USP34: variants seen among roughly 807,000 people sequenced by gnomAD.
The protein encoded by USP34 is ubiquitin specific peptidase 34, also known as ubiquitin carboxyl-terminal hydrolase 34.
Under a neutral mutation model 460.3 loss-of-function variants are expected in USP34, and 70 were observed. That is an observed-to-expected ratio of 0.15 (90% CI 0.13 to 0.19). USP34 has a LOEUF of 0.19. Among genes scored for constraint, USP34 ranks in the 10% least tolerant of loss-of-function variants. The probability of loss-of-function intolerance (pLI) is 1.00; values close to 1 mark genes in which losing one functional copy is unlikely to be tolerated. For missense variants in USP34, 3,985 were observed against 4,236.2 expected (o/e 0.94, Z 1.65); for synonymous variants, 1,647 against 1,405.3 (o/e 1.17, Z -3.85).
rs145877617 is a variant in USP34 at position 61,437,558 on chromosome 2, G to C, written c.44-16725C>G. 3.5e-3 allele frequency among the ~76,000 whole-genome samples: 529 copies of C among 152,104 alleles called. 23 individuals are homozygous for C. The East Asian group carries it at 0.09, about 26-fold the overall frequency. ...GCAGGCTGAGGTAGGCAGATCACGA[G>C]GTCAGGAGTTCAAGACCAGCCTGGC... On this transcript the variant is annotated intron_variant, in intron 1 of 79. Coordinates refer to ENST00000398571, the MANE Select transcript of USP34 (RefSeq NM_014709.4).
At chr2:61,194,665 A>C (rs952762756) in intron 75 of USP34, among the ~76,000 whole-genome samples, 1 of 152,182 alleles carries the variant, frequency 6.6e-6, no homozygotes, top group African/African-American at 2.4e-5. Flanking sequence ...TCTTAAAAAA[A>C]TATTTTGGGG....
In USP34 at chr2:61,411,417, T is replaced by A. The variant is rs566605653; in HGVS notation, c.132-5289A>T. On this transcript the variant is annotated intron_variant, in intron 2 of 79. Coordinates refer to ENST00000398571, the MANE Select transcript of USP34 (RefSeq NM_014709.4). Reference sequence around the variant, plus strand: ...AAAGAAAAAAAAACTGAAAGCAAGATAAGTGAAATATATGACTTAAATGGT... The same window carrying A: ...AAAGAAAAAAAAACTGAAAGCAAGAAAAGTGAAATATATGACTTAAATGGT... Among the ~76,000 whole-genome samples the A allele has an allele frequency of 2.6e-5, 4 of 151,188 alleles. No homozygotes were observed. In the South Asian group the frequency reaches 6.3e-4, roughly 24 times the overall value.
intron 16 of USP34, among the ~76,000 whole-genome samples, chr2:61,340,524 G>A (rs899842111): frequency 6.6e-6 from 1 of 152,184 alleles, no homozygotes; most frequent in East Asian, 1.9e-4. Flanking sequence ...CATCAGCAGT[G>A]TATGAGAGCA....
chr2:61,252,141 G>A (rs1410534192), intron 48 of USP34, among the ~76,000 whole-genome samples: 2 of 152,154 alleles, frequency 1.3e-5, no homozygotes, highest in Non-Finnish European at 2.9e-5. Context: ...GGGCCAAGGA[G>A]GTCTTTGGTT....
intron 79 of USP34, 28 bp downstream of exon 79, chr2:61,188,882 G>A (rs761365222): frequency 1.5e-5 from 24 of 1,612,794 alleles, no homozygotes; most frequent in Admixed American, 5.0e-5. Flanking sequence ...CCACCCTAAA[G>A]GTAATGATAG....
chr2:61,241,795 C>T lies in USP34; in HGVS notation c.6652G>A (p.Asp2218Asn). Residue 2218 changes from aspartate (D) to asparagine (N), a missense_variant, in exon 52 of 80, where the codon GAT (aspartate) becomes AAT (asparagine). By Grantham distance (23) the Asp-to-Asn change is conservative. Around this residue, in one of 14 missense-constraint regions of USP34, gnomAD observed 604 missense variants for 684.8 expected, o/e 0.88. Coordinates refer to ENST00000398571, the MANE Select transcript of USP34 (RefSeq NM_014709.4). ...TCAAAAGAGAAGTCCATAAATTTATCTGTAACAGAATCATAGGTCTTGGTC... is the reference window on the plus strand; with the variant it reads ...TCAAAAGAGAAGTCCATAAATTTATTTGTAACAGAATCATAGGTCTTGGTC... ...MTTKTYDSVT[D>N]KFMDFSFEKT... 6.5e-7 allele frequency: 1 copy of T among 1,538,238 alleles called. No homozygotes were observed. The highest frequency in any genetic ancestry group is 1.2e-5 in the South Asian group (1 of 80,698).
intron 8 of USP34, among the ~76,000 whole-genome samples, chr2:61,376,032 A>G (rs902207784): frequency 6.6e-6 from 1 of 152,144 alleles, no homozygotes; most frequent in Non-Finnish European, 1.5e-5. Context: ...CAGAGACAGA[A>G]AGTAGATTAG....
At chr2:61,349,033 G>A (rs1197016286) in intron 13 of USP34, 147 bp from the exon 14 acceptor site, 5 of 1,120,474 alleles carry the variant, frequency 4.5e-6, no homozygotes, top group South Asian at 3.7e-5. Context: ...GTTAACATTT[G>A]CTCATGATTT....
chr2:61,253,221 G>A (rs1409025230), intron 48 of USP34, among the ~76,000 whole-genome samples: 1 of 152,134 alleles, frequency 6.6e-6, no homozygotes, highest in African/African-American at 2.4e-5. Context: ...AGATGTGACA[G>A]GTATTTCAGA....
intron 3 of USP34, among the ~76,000 whole-genome samples, chr2:61,397,598 T>C (rs562142686): frequency 1.3e-5 from 2 of 152,232 alleles, no homozygotes; most frequent in East Asian, 3.9e-4. Context: ...AAACCGCGTC[T>C]CTACTAAAAA....
chr2:61,295,401 G>C, intron 30 of USP34, 111 bp from the exon 31 acceptor site: 1 of 1,177,460 alleles, frequency 8.5e-7, no homozygotes, highest in Non-Finnish European at 1.1e-6. Flanking sequence ...TATATACTTT[G>C]AAACATATTA....
Position 61,420,767 on chromosome 2 carries a change from T to C in USP34, c.110A>G (p.Tyr37Cys). The C allele has an allele frequency of 6.2e-7, 1 of 1,610,586 alleles. No individual in the cohort carries two copies. Among genetic ancestry groups the C allele is most frequent in the South Asian group, 1.1e-5 (1 of 90,308 alleles). Residue 37 changes from tyrosine to cysteine, a missense_variant, in exon 2 of 80, where the codon TAT becomes TGT. Around this residue, in one of 14 missense-constraint regions of USP34, gnomAD observed 331 missense variants for 293.7 expected, o/e 1.13. Coordinates refer to ENST00000398571, the MANE Select transcript of USP34 (RefSeq NM_014709.4). ...RKEHTLKIFT[Y>C]INSWTQRQCL... is the part of the protein sequence containing the mutation. ...ATACCTCTGTGTCCAGGAATTGATA[T>C]AAGTAAATATTTTGAGAGTATGTTC...
Position 61,349,281 on chromosome 2 carries a change from T to C in USP34, c.1512A>G (p.Glu504=). ...ATGGAGCTGTTCTTCTAAGCTCTTC[T>C]TCCTCTGAAGGAAAAGGAAAAAACA... ...TNIPIGNKKE[E]EELRRTAPSP... is the part of the protein sequence containing the mutation. The change falls in exon 13 of 80, where the codon GAA becomes GAG. Residue 504 remains glutamate (E), a synonymous_variant. Coordinates refer to ENST00000398571, the MANE Select transcript of USP34 (RefSeq NM_014709.4). 6.2e-7 allele frequency: 1 copy of C among 1,613,290 alleles called. No homozygotes were observed. Among genetic ancestry groups the C allele is most frequent in the South Asian group, 1.1e-5 (1 of 90,914 alleles).
chr2:61,405,282 A>T (rs926316402), intron 3 of USP34, among the ~76,000 whole-genome samples: 6 of 151,268 alleles, frequency 4.0e-5, no homozygotes, highest in African/African-American at 1.5e-4. Context: ...AAGAAAAGGA[A>T]ATACTATTAT....
At chr2:61,334,869 T>C (rs916663347) in intron 18 of USP34, among the ~76,000 whole-genome samples, 2 of 152,176 alleles carry the variant, frequency 1.3e-5, no homozygotes, top group African/African-American at 4.8e-5. Context: ...AAGTGCTGAA[T>C]TATTGAGGAA....
chr2:61,351,829 T>A (rs1376934594), intron 10 of USP34, among the ~76,000 whole-genome samples: 1 of 152,148 alleles, frequency 6.6e-6, no homozygotes, highest in African/African-American at 2.4e-5. Flanking sequence ...TTAACACCAC[T>A]AAGTATCCAT....
At position 61,189,073 on chromosome 2, in the gene USP34, C is replaced by CA. The variant is rs2103728149; in HGVS notation, c.9874-5dup. 1 of 1,607,862 alleles carries CA rather than the reference C, an allele frequency of 6.2e-7. No homozygotes were observed. The highest frequency in any genetic ancestry group is 8.5e-7 in the Non-Finnish European group (1 of 1,178,096). On this transcript the variant is annotated splice_polypyrimidine_tract_variant and splice_region_variant and intron_variant, in intron 78 of 79. Transcript: ENST00000398571. ...GCAAAGCGAGTGCCCTCAGGTCCTA[C>CA]AAAAACCCAGATAGGAACATTTCAA...
In USP34 at chr2:61,325,017, T is replaced by C. The variant is rs78574135; in HGVS notation, c.3013+358A>G. On this transcript the variant is annotated intron_variant, in intron 21 of 79. Coordinates refer to ENST00000398571, the MANE Select transcript of USP34 (RefSeq NM_014709.4). ...AAACAGAAAACCAAATACCGTACAT[T>C]CTTGCTTGTAAGCAGGAGCTAAACA... Among the ~76,000 whole-genome samples the C allele has an allele frequency of 4.8e-3, 730 of 152,184 alleles. 4 individuals are homozygous for C. The highest frequency in any genetic ancestry group is 0.016 in the African/African-American group (652 of 41,516).
chr2:61,349,323 A>G, intron 12 of USP34, 38 bp from the exon 13 acceptor site: 1 of 1,603,740 alleles, frequency 6.2e-7, no homozygotes, highest in Admixed American at 1.7e-5. Flanking sequence ...AAACATTCTA[A>G]GTGACTCAGC....
Sources: gnomAD v4.1 joint callset for allele counts (sites outside exome capture counted in the v4.1 genomes callset) on GRCh38, gnomAD v4.1.1 for gene constraint, gnomAD v4.1.1 regional missense constraint, MANE v1.5 for transcripts, NCBI Gene and HGNC (gene_info 2026-07-23, HGNC 2026-07-21) for gene names.